NTM: variants seen among roughly 807,000 people sequenced by gnomAD.
NTM encodes neurotrimin.
NTM carries 13 observed loss-of-function variants against 42.1 expected under a neutral mutation model. The ratio of observed to expected loss-of-function variants is 0.31; its 90% confidence interval spans 0.20 to 0.49. The LOEUF is 0.49. Ranked by LOEUF, NTM falls within the 20% of genes least tolerant of loss-of-function variation. The probability of loss-of-function intolerance (pLI) is 0.99; values close to 1 mark genes in which losing one functional copy is unlikely to be tolerated. For missense variants in NTM, 373 were observed against 452.8 expected, an observed-to-expected ratio of 0.82 and a Z score of 1.60; for synonymous variants, 187 against 179.2, an observed-to-expected ratio of 1.04 and a Z score of -0.35.
chr11:131,978,878 C>G (rs79830209), intron 2 of NTM, among the ~76,000 whole-genome samples: 3 of 152,126 alleles, frequency 2.0e-5, no homozygotes, highest in South Asian at 4.2e-4. Context: ...TGTACCTGAC[C>G]GGGAAACCCT....
chr11:132,220,702 C>A (rs949826868), intron 4 of NTM, among the ~76,000 whole-genome samples: 3 of 152,172 alleles, frequency 2.0e-5, no homozygotes, highest in Non-Finnish European at 4.4e-5. Context: ...AGCATCCTCC[C>A]CCACACTCTC....
chr11:131,543,529 G>C (rs1342226712), intron 1 of NTM, among the ~76,000 whole-genome samples: 1 of 152,212 alleles, frequency 6.6e-6, no homozygotes, highest in Non-Finnish European at 1.5e-5. Context: ...GGAGAAAGTT[G>C]CTACAACCAG....
At chr11:131,686,089 G>C (rs1159970064) in intron 1 of NTM, among the ~76,000 whole-genome samples, 4 of 152,186 alleles carry the variant, frequency 2.6e-5, no homozygotes, top group Non-Finnish European at 5.9e-5. Context: ...GTCCCCACCA[G>C]AGAGCTACAG....
At chr11:131,395,900 G>A (rs1021107987) in intron 1 of NTM, among the ~76,000 whole-genome samples, 2 of 152,136 alleles carry the variant, frequency 1.3e-5, no homozygotes, top group African/African-American at 4.8e-5. Context: ...AAAGTTCTGG[G>A]CAAATAAAGA....
chr11:132,154,732 A>C (rs1315669327), intron 3 of NTM, among the ~76,000 whole-genome samples: 1 of 152,180 alleles, frequency 6.6e-6, no homozygotes, highest in Non-Finnish European at 1.5e-5. Context: ...TCTCCAGGCT[A>C]ATTTAGGCTT....
chr11:132,305,516 A>G (rs1191211422), intron 4 of NTM, among the ~76,000 whole-genome samples: 2 of 152,182 alleles, frequency 1.3e-5, no homozygotes, highest in Non-Finnish European at 2.9e-5. Context: ...TATGACACCA[A>G]TTGCCACACA....
At chr11:131,661,388 A>G (rs2068050310) in intron 1 of NTM, among the ~76,000 whole-genome samples, 1 of 152,250 alleles carries the variant, frequency 6.6e-6, no homozygotes, top group Admixed American at 6.5e-5. Context: ...AGGAAAATCA[A>G]GAACAAGGAA....
chr11:132,028,525 T>TATGTATGATGAGCTACAGGGAG (rs2075494239), intron 2 of NTM, among the ~76,000 whole-genome samples: 1 of 152,180 alleles, frequency 6.6e-6, no homozygotes, highest in Non-Finnish European at 1.5e-5. Flanking sequence ...TCCCCTCTTG[T>TATGTATGATGAGCTACAGGGAG]TATGATGAGC....
intron 1 of NTM, among the ~76,000 whole-genome samples, chr11:131,439,629 A>G (rs1949441944): frequency 6.6e-6 from 1 of 152,228 alleles, no homozygotes; most frequent in African/African-American, 2.4e-5. Flanking sequence ...CACGGGATAT[A>G]ATCTCCTGGT....
intron 1 of NTM, among the ~76,000 whole-genome samples, chr11:131,471,327 C>T (rs372633797): frequency 8.5e-5 from 13 of 152,170 alleles, no homozygotes; most frequent in Admixed American, 2.0e-4. Flanking sequence ...CCAGTTTTTA[C>T]GGAGTGCTCT....
intron 1 of NTM, among the ~76,000 whole-genome samples, chr11:131,439,930 C>A (rs1243691678): frequency 7.4e-6 from 1 of 135,488 alleles, no homozygotes; most frequent in Non-Finnish European, 1.5e-5. Flanking sequence ...TGTTCCTATT[C>A]GGCCATCTTA....
intron 1 of NTM, among the ~76,000 whole-genome samples, chr11:131,394,682 C>T (rs534049233): frequency 2.9e-4 from 44 of 152,246 alleles, no homozygotes; most frequent in African/African-American, 1.1e-3. Flanking sequence ...AGAAGAAGAG[C>T]CCTTTTCTAA....
intron 1 of NTM, among the ~76,000 whole-genome samples, chr11:131,755,276 A>G (rs574077566): frequency 1.3e-5 from 2 of 152,356 alleles, no homozygotes; most frequent in East Asian, 3.9e-4. Flanking sequence ...GAATATTTAT[A>G]TATGAAAGGT....
chr11:131,982,995 C>T (rs2065490049), intron 2 of NTM, among the ~76,000 whole-genome samples: 1 of 151,864 alleles, frequency 6.6e-6, no homozygotes, highest in African/African-American at 2.4e-5. Flanking sequence ...AGGGCATGCC[C>T]AGATTCAGTT....
intron 2 of NTM, among the ~76,000 whole-genome samples, chr11:131,988,536 A>G (rs1250249797): frequency 1.3e-5 from 2 of 152,182 alleles, no homozygotes; most frequent in Non-Finnish European, 2.9e-5. Context: ...AGTGGTGGAT[A>G]TTCCATGTGA....
At chr11:132,055,017 G>T (rs1406151309) in intron 2 of NTM, among the ~76,000 whole-genome samples, 3 of 152,210 alleles carry the variant, frequency 2.0e-5, no homozygotes, top group Non-Finnish European at 2.9e-5. Context: ...GTAGGAAGTG[G>T]ATTCCAGCTT....
intron 1 of NTM, among the ~76,000 whole-genome samples, chr11:131,649,671 G>A (rs961175322): frequency 6.6e-6 from 1 of 152,254 alleles, no homozygotes; most frequent in Non-Finnish European, 1.5e-5. Context: ...TGTTTGGGTG[G>A]GGGGAGGCGG....
intron 4 of NTM, among the ~76,000 whole-genome samples, chr11:132,304,640 C>G (rs978876068): frequency 6.6e-6 from 1 of 152,062 alleles, no homozygotes; most frequent in African/African-American, 2.4e-5. Context: ...GTAAACTGAC[C>G]AACTTTCTCT....
chr11:132,270,164 C>G (rs1166789848), intron 4 of NTM, among the ~76,000 whole-genome samples: 1 of 152,154 alleles, frequency 6.6e-6, no homozygotes, highest in African/African-American at 2.4e-5. Context: ...GACATAGTCT[C>G]TGTGAGATTT....
Sources: gnomAD v4.1 joint callset for allele counts (sites outside exome capture counted in the v4.1 genomes callset) on GRCh38, gnomAD v4.1.1 for gene constraint, MANE v1.5 for transcripts, NCBI Gene and HGNC (gene_info 2026-07-23, HGNC 2026-07-21) for gene names.